TBXAS1: variants seen among roughly 807,000 people sequenced by gnomAD.
TBXAS1 encodes thromboxane A synthase 1.
Under a neutral mutation model 60.7 loss-of-function variants are expected in TBXAS1, and 48 were observed. The ratio of observed to expected loss-of-function variants is 0.79; its 90% CI spans 0.63 to 1.01. The LOEUF (loss-of-function observed/expected upper bound fraction) is 1.01. TBXAS1 is among the 50% of genes least tolerant of loss of function. TBXAS1 has a pLI of 0.00. For synonymous variants in TBXAS1, 287 were observed against 269.7 expected, an observed-to-expected ratio of 1.06 and a Z score of -0.63; for missense variants, 685 against 686.3, an observed-to-expected ratio of 1.00 and a Z score of 0.02.
chr7:139,781,222 G>T (rs1045055402), intron 2 of TBXAS1, among the ~76,000 whole-genome samples: 3 of 152,218 alleles, frequency 2.0e-5, no homozygotes, highest in African/African-American at 7.2e-5. Context: ...TTCTTGAAAT[G>T]AGCTTAGATT....
intron 8 of TBXAS1, among the ~76,000 whole-genome samples, chr7:139,958,533 T>G (rs1465306114): frequency 6.6e-6 from 1 of 152,206 alleles, no homozygotes; most frequent in African/African-American, 2.4e-5. Context: ...AAATGGCCTT[T>G]CCTTAGCTGG....
intron 4 of TBXAS1, 94 bp downstream of exon 4, chr7:139,911,415 C>G: frequency 8.7e-7 from 1 of 1,153,322 alleles, no homozygotes; most frequent in Non-Finnish European, 1.3e-6. Flanking sequence ...AATCAGGCCT[C>G]TGATCAGGTT....
intron 3 of TBXAS1, among the ~76,000 whole-genome samples, chr7:139,879,828 CATTTT>C (rs1395876471): frequency 7.5e-6 from 1 of 133,832 alleles, no homozygotes; most frequent in African/African-American, 3.0e-5. Context: ...CCCTTTATCT[CATTTT>C]GTGTGTGTGT....
intron 5 of TBXAS1, chr7:139,952,452 T>G: frequency 6.6e-6 from 9 of 1,364,680 alleles, no homozygotes; most frequent in Non-Finnish European, 6.8e-6. Flanking sequence ...ATGTCTTTCA[T>G]GAGAAATGCT....
At chr7:140,012,273 T>C (rs76391948) in intron 10 of TBXAS1, among the ~76,000 whole-genome samples, 2,745 of 152,206 alleles carry the variant, frequency 0.018, 90 homozygotes, top group African/African-American at 0.063. Context: ...GCCAGATCTG[T>C]TGGAGTGGGA....
Position 139,852,734 on chromosome 7 carries a change from G to C in TBXAS1, c.90-19501G>C, listed in dbSNP as rs1800301303. Among the ~76,000 whole-genome samples the C allele has an allele frequency of 6.6e-6, 1 of 152,116 alleles. No homozygotes were observed. The highest frequency in any genetic ancestry group is 2.1e-4 in the South Asian group (1 of 4,832). The stretch of plus-strand genomic sequence containing the variant: ...TCTGCCAAGCTCAAAGGCAAAATTG[G>C]TATTTCCCAGGCCTTTTGGACGGGT... On this transcript the variant is annotated intron_variant, in intron 1 of 12. Coordinates refer to ENST00000448866, the MANE Select transcript of TBXAS1 (RefSeq NM_001061.7). This position sits in a 1 kb window ranked among gnomAD's most constrained non-coding sequence, Gnocchi z 4.4.
chr7:139,904,259 T>C (rs1804799253), intron 3 of TBXAS1, among the ~76,000 whole-genome samples: 1 of 152,046 alleles, frequency 6.6e-6, no homozygotes, highest in Admixed American at 6.5e-5. Context: ...TGGTTGTAAG[T>C]ATTTGAGTTT....
intron 9 of TBXAS1, among the ~76,000 whole-genome samples, chr7:140,006,126 A>C (rs75359570): frequency 0.013 from 1,940 of 152,334 alleles, 30 homozygotes; most frequent in African/African-American, 0.043. Flanking sequence ...AAGAGGGAAC[A>C]GAAGAAAGCA....
chr7:139,989,770 C>T (rs930273532), intron 9 of TBXAS1, among the ~76,000 whole-genome samples: 1 of 152,216 alleles, frequency 6.6e-6, no homozygotes, highest in Non-Finnish European at 1.5e-5. Context: ...TTGGTGGATG[C>T]CCTGCCTATC....
chr7:139,868,462 A>AATTTATTTATTTATTTATTT (rs57162964), intron 1 of TBXAS1, among the ~76,000 whole-genome samples: 2 of 150,324 alleles, frequency 1.3e-5, no homozygotes, highest in African/African-American at 5.0e-5. Context: ...GAAACTCCAG[A>AATTTATTTATTTATTTATTT]ATTTATTTAT....
At chr7:139,965,902 T>TA (rs1672418261) in intron 9 of TBXAS1, among the ~76,000 whole-genome samples, 2 of 151,436 alleles carry the variant, frequency 1.3e-5, no homozygotes, top group Admixed American at 1.3e-4. Flanking sequence ...TTTTTTTTTT[T>TA]ACTATAATCA....
At chr7:139,801,831 T>C (rs1797731635) in intron 4 of TBXAS1, among the ~76,000 whole-genome samples, 2 of 152,148 alleles carry the variant, frequency 1.3e-5, no homozygotes, top group Non-Finnish European at 2.9e-5. Context: ...TGGCCTGATA[T>C]CTGCTCTCTG....
chr7:139,870,040 T>A (rs1801707316), intron 1 of TBXAS1, among the ~76,000 whole-genome samples: 1 of 152,188 alleles, frequency 6.6e-6, no homozygotes, highest in Admixed American at 6.5e-5. Context: ...TTTGGCCAGT[T>A]TCCAGCTGAA....
At chr7:139,890,684 A>G (rs1390010776) in intron 3 of TBXAS1, among the ~76,000 whole-genome samples, 1 of 152,182 alleles carries the variant, frequency 6.6e-6, no homozygotes, top group Non-Finnish European at 1.5e-5. Context: ...AGTTTACTTC[A>G]CCATTGTGAA....
chr7:139,789,896 G>A (rs1247376802), intron 4 of TBXAS1, among the ~76,000 whole-genome samples: 1 of 152,168 alleles, frequency 6.6e-6, no homozygotes, highest in African/African-American at 2.4e-5. Flanking sequence ...CTCCCAAAGT[G>A]CTGGGATTAC....
At chr7:139,790,195 G>A (rs1306463386) in intron 4 of TBXAS1, among the ~76,000 whole-genome samples, 2 of 152,132 alleles carry the variant, frequency 1.3e-5, no homozygotes, top group Non-Finnish European at 2.9e-5. Flanking sequence ...ACAATCTGAG[G>A]CTTACTAAAT....
rs1815454442 is a variant in TBXAS1 at position 140,020,235 on chromosome 7, A to G, written c.*136A>G. 1.2e-6 allele frequency: 1 copy of G among 863,674 alleles called. No individual in the cohort carries two copies. Among genetic ancestry groups the G allele is most frequent in the Non-Finnish European group, 1.9e-6 (1 of 524,930 alleles). 53.5% of individuals were successfully genotyped at this position (863,674 alleles called of 1,614,324 possible). A position where few individuals can be genotyped will look rare whatever the true frequency, so the allele number is the denominator to read the frequency against. On this transcript the variant is annotated 3_prime_UTR_variant, in exon 13 of 13. Coordinates refer to ENST00000448866, the MANE Select transcript of TBXAS1 (RefSeq NM_001061.7). Reference sequence around the variant, plus strand: ...GGCATGCAAGGATAAGAGGTTCTTTACATAACATTTCCTAAATGCTTAATA... The same window carrying G: ...GGCATGCAAGGATAAGAGGTTCTTTGCATAACATTTCCTAAATGCTTAATA...
At chr7:139,859,423 G>T (rs1800815866) in intron 1 of TBXAS1, among the ~76,000 whole-genome samples, 1 of 143,266 alleles carries the variant, frequency 7.0e-6, no homozygotes, top group Non-Finnish European at 1.5e-5. Flanking sequence ...AGCCAGGATG[G>T]TCTCAATCTT....
At chr7:139,912,227 G>A (rs183964702) in intron 4 of TBXAS1, among the ~76,000 whole-genome samples, 10 of 152,200 alleles carry the variant, frequency 6.6e-5, no homozygotes, top group East Asian at 1.9e-4. Context: ...CAGCCTGGGC[G>A]ACAGAGACGC....
Sources: gnomAD v4.1 joint callset for allele counts (sites outside exome capture counted in the v4.1 genomes callset) on GRCh38, gnomAD v4.1.1 for gene constraint, Gnocchi (gnomAD v3.1) non-coding constraint, MANE v1.5 for transcripts, NCBI Gene and HGNC (gene_info 2026-07-23, HGNC 2026-07-21) for gene names.